The following PYHIN1 variants were observed in gnomAD, a reference collection of about 807,000 sequenced individuals.
PYHIN1 encodes the protein pyrin and HIN domain family member 1, also known as pyrin and HIN domain-containing protein 1.
PYHIN1 carries 32 observed loss-of-function variants against 43.7 expected under a neutral mutation model. That is an observed-to-expected ratio of 0.73 (90% confidence interval 0.55 to 0.98). PYHIN1 has a LOEUF of 0.98. Among genes scored for constraint, PYHIN1 ranks in the 50% least tolerant of loss-of-function variants. The probability of loss-of-function intolerance (pLI) is 0.00; values close to 1 mark genes in which losing one functional copy is unlikely to be tolerated. For missense variants in PYHIN1, 588 were observed against 589.5 expected (o/e 1.00, Z 0.03); for synonymous variants, 205 against 203.1 (o/e 1.01, Z -0.08).
chr1:158,966,687 C>T (rs966870376), intron 7 of PYHIN1, among the ~76,000 whole-genome samples: 2 of 151,934 alleles, frequency 1.3e-5, no homozygotes, highest in African/African-American at 4.8e-5. Flanking sequence ...ACCCTAAATA[C>T]TCTAGACATT....
At chr1:158,980,614 C>G (rs368556187), downstream of PYHIN1, among the ~76,000 whole-genome samples, 5 of 152,182 alleles carry the variant, frequency 3.3e-5, no homozygotes, top group Admixed American at 2.6e-4. Flanking sequence ...TCCTGCAGAA[C>G]CCTCAGGCTT....
chr1:158,937,174 A>T lies in PYHIN1; in HGVS notation c.264A>T (p.Lys88Asn). ...AAACTCTTAAAAGAGAAAAGTTAAA[A>T]GGTAATTGGGAAGAGGGAACACCCA... is the stretch of plus-strand genomic sequence containing the variant. ...LAETLKREKL[K>N]VANKIESIPV... Residue 88 changes from lysine to asparagine, a missense_variant and splice_region_variant, in exon 2 of 9, where the codon AAA becomes AAT. Coordinates refer to ENST00000368140, the MANE Select transcript of PYHIN1 (RefSeq NM_152501.5). The T allele has an allele frequency of 6.4e-7, 1 of 1,574,706 alleles. No individual in the cohort carries two copies. The highest frequency in any genetic ancestry group is 8.6e-7 in the Non-Finnish European group (1 of 1,163,038).
the PYHIN1 span, among the ~76,000 whole-genome samples, chr1:158,988,313 T>C: frequency 6.6e-6 from 1 of 152,102 alleles, no homozygotes; most frequent in Non-Finnish European, 1.5e-5. Flanking sequence ...AGGTATATAA[T>C]ATAATGAGTT....
chr1:158,986,253 G>A, the PYHIN1 span, among the ~76,000 whole-genome samples: 7 of 152,170 alleles, frequency 4.6e-5, no homozygotes. Flanking sequence ...AGTCTTTGCA[G>A]TTGCTGTTCT....
At chr1:158,961,891 C>G (rs1650341146) in intron 7 of PYHIN1, among the ~76,000 whole-genome samples, 1 of 152,170 alleles carries the variant, frequency 6.6e-6, no homozygotes, top group African/African-American at 2.4e-5. Flanking sequence ...AGAAAAGGAG[C>G]TGAATCCAGG....
intron 7 of PYHIN1, among the ~76,000 whole-genome samples, chr1:158,945,922 A>G (rs1000825048): frequency 6.6e-6 from 1 of 152,190 alleles, no homozygotes; most frequent in African/African-American, 2.4e-5. Flanking sequence ...AAGAAAATAG[A>G]CACACTCAAA....
the PYHIN1 span, among the ~76,000 whole-genome samples, chr1:158,990,066 T>C: frequency 1.3e-5 from 2 of 149,490 alleles, no homozygotes; most frequent in Non-Finnish European, 2.9e-5. Flanking sequence ...CAATGCTTCA[T>C]GATGAATAGT....
chr1:158,938,246 C>T (rs896121603), intron 2 of PYHIN1, 151 bp from the exon 3 acceptor site: 74 of 782,330 alleles, frequency 9.5e-5, no homozygotes, highest in Middle Eastern at 7.8e-4. Context: ...CTGCTGGCCT[C>T]CTGGAAGCCA....
downstream of PYHIN1, among the ~76,000 whole-genome samples, chr1:158,981,132 C>A (rs1310174994): frequency 6.6e-6 from 1 of 152,050 alleles, no homozygotes; most frequent in Non-Finnish European, 1.5e-5. Flanking sequence ...GTATACGTAC[C>A]ACATTTGCTT....
At chr1:158,969,260 T>C (rs1197617022) in intron 7 of PYHIN1, among the ~76,000 whole-genome samples, 1 of 152,022 alleles carries the variant, frequency 6.6e-6, no homozygotes, top group East Asian at 1.9e-4. Flanking sequence ...AGGCTTCGCA[T>C]GAGAAATTAG....
chr1:158,948,852 C>T (rs956652076), intron 7 of PYHIN1, among the ~76,000 whole-genome samples: 3 of 152,106 alleles, frequency 2.0e-5, no homozygotes, highest in Admixed American at 6.6e-5. Context: ...TATCATAACA[C>T]TAGCAATATT....
intron 7 of PYHIN1, among the ~76,000 whole-genome samples, chr1:158,971,616 G>A (rs1650937029): frequency 6.6e-6 from 1 of 151,954 alleles, no homozygotes; most frequent in African/African-American, 2.4e-5. Context: ...CCAAACAACT[G>A]ACAACTGATT....
At chr1:158,955,991 T>G (rs1303130255) in intron 7 of PYHIN1, among the ~76,000 whole-genome samples, 1 of 142,232 alleles carries the variant, frequency 7.0e-6, no homozygotes, top group Non-Finnish European at 1.6e-5. Flanking sequence ...GCAAATAAAC[T>G]AGAAAATCTA....
the PYHIN1 span, among the ~76,000 whole-genome samples, chr1:158,985,311 A>G: frequency 3.9e-5 from 6 of 152,164 alleles, no homozygotes; most frequent in Non-Finnish European, 8.8e-5. Flanking sequence ...TTCCATGTTC[A>G]GCACTCCCTG....
At chr1:158,981,761 T>A (rs1935071), downstream of PYHIN1, among the ~76,000 whole-genome samples, 2 of 152,088 alleles carry the variant, frequency 1.3e-5, no homozygotes, top group Admixed American at 6.6e-5. Context: ...ATTTCCACCC[T>A]CAATGTATAA....
chr1:158,942,249 T>A lies in PYHIN1; in HGVS notation c.852T>A (p.Asn284Lys). ...AACGTAATAGTCTCCTAGAGGTGAA[T>A]GAAGCCTCTTCTGTATCTGAAGCTG... ...YSKRNSLLEV[N>K]EASSVSEAGP... The change falls in exon 5 of 9, where the codon AAT becomes AAA. Residue 284 changes from asparagine to lysine, a missense_variant. Coordinates refer to ENST00000368140, the MANE Select transcript of PYHIN1 (RefSeq NM_152501.5). 1 of 1,614,146 alleles carries A rather than the reference T, an allele frequency of 6.2e-7. No homozygotes were observed. The highest frequency in any genetic ancestry group is 8.5e-7 in the Non-Finnish European group (1 of 1,179,992).
At chr1:158,989,010 CT>C in the PYHIN1 span, among the ~76,000 whole-genome samples, 5 of 152,200 alleles carry the variant, frequency 3.3e-5, no homozygotes, top group African/African-American at 4.8e-5. Context: ...GCCTTAAAAT[CT>C]CATATAATTT....
chr1:158,983,153 G>T, the PYHIN1 span, among the ~76,000 whole-genome samples: 2 of 151,710 alleles, frequency 1.3e-5, no homozygotes, highest in Non-Finnish European at 2.9e-5. Context: ...TTGCCTGACT[G>T]CTCTGGCTAG....
chr1:158,990,369 A>G, the PYHIN1 span, among the ~76,000 whole-genome samples: 1 of 151,876 alleles, frequency 6.6e-6, no homozygotes, highest in African/African-American at 2.4e-5. Context: ...ATAATCTATT[A>G]TTTCTTTTTT....
Sources: gnomAD v4.1 joint callset for allele counts (sites outside exome capture counted in the v4.1 genomes callset) on GRCh38, gnomAD v4.1.1 for gene constraint, MANE v1.5 for transcripts, NCBI Gene and HGNC (gene_info 2026-07-23, HGNC 2026-07-21) for gene names.